Variants in DPP3 observed in about 807,000 individuals in gnomAD.
The protein encoded by DPP3 is dipeptidyl peptidase 3.
A neutral mutation model predicts 89.8 loss-of-function variants in DPP3; 64 were observed. That is an observed-to-expected ratio of 0.71 (90% CI 0.58 to 0.88). The LOEUF (loss-of-function observed/expected upper bound fraction) is 0.88, where lower values mean the gene tolerates loss of function less well. Among genes scored for constraint, DPP3 ranks in the 40% least tolerant of loss-of-function variants. The pLI is 0.00. For synonymous variants in DPP3, 377 were observed against 404.3 expected (o/e 0.93, Z 0.81); for missense variants, 835 against 972.5 (o/e 0.86, Z 1.88).
At chr11:66,496,984 A>G (rs1030486042) in intron 15 of DPP3, among the ~76,000 whole-genome samples, 1 of 152,174 alleles carries the variant, frequency 6.6e-6, no homozygotes, top group African/African-American at 2.4e-5. Flanking sequence ...TGTCCTCAGC[A>G]GGGGATCTGG....
At chr11:66,508,070 A>G (rs1247834396) in intron 17 of DPP3, among the ~76,000 whole-genome samples, 6 of 152,146 alleles carry the variant, frequency 3.9e-5, no homozygotes, top group South Asian at 4.1e-4. Flanking sequence ...TGAGGCACAG[A>G]GGGGCTGTGT....
chr11:66,487,463 C>G lies in DPP3; in HGVS notation c.573+121C>G. On this transcript the variant is annotated intron_variant, in intron 5 of 17. Coordinates refer to ENST00000531863, the MANE Select transcript of DPP3 (RefSeq NM_130443.4). ...ACTACTCCCTGTGTACTAGGGAAGG[C>G]GCGACCCCTGCCCACCCCAGGCTAT... The G allele has an allele frequency of 6.8e-6, 7 of 1,031,764 alleles. No homozygotes were observed. In the South Asian group the frequency reaches 7.2e-5, roughly 11 times the overall value. The allele number at this position is 1,031,764 out of a possible 1,614,324, so 63.9% of individuals were successfully genotyped here.
rs746029233 is a variant in DPP3 at position 66,497,468 on chromosome 11, G to A, written c.1869G>A (p.Arg623=). 1.9e-5 allele frequency: 31 copies of A among 1,613,192 alleles called. No homozygotes were observed. The East Asian group carries it at 6.7e-4, about 35-fold the overall frequency. Residue 623 remains arginine, a synonymous_variant, in exon 16 of 18, where the codon CGG becomes CGA. Transcript: ENST00000531863. ...AGCCTGCTCTAGAGCGCTTCCTGCGGAGACTTCAGGTAAGCAAAGGCCTCT... is the reference window on the plus strand; with the variant it reads ...AGCCTGCTCTAGAGCGCTTCCTGCGAAGACTTCAGGTAAGCAAAGGCCTCT... ...VGKPALERFL[R]RLQVLKSTGD...
At position 66,509,263 on chromosome 11, in the gene DPP3, G is replaced by A. The variant is rs546710991; in HGVS notation, c.*12G>A. 1.3e-6 allele frequency: 2 copies of A among 1,598,952 alleles called. No homozygotes were observed. The highest frequency in any genetic ancestry group is 1.3e-5 in the African/African-American group (1 of 74,788). ...CTGGCCAAGCTTGAGGAAGATGTGT[G>A]GCCTTGCCCCCAATTCCATCAGACC... On this transcript the variant is annotated 3_prime_UTR_variant, in exon 18 of 18. Coordinates refer to ENST00000531863, the MANE Select transcript of DPP3 (RefSeq NM_130443.4).
At chr11:66,497,276 T>C in intron 15 of DPP3, 22 bp from the exon 16 acceptor site, 2 of 1,608,482 alleles carry the variant, frequency 1.2e-6, no homozygotes, top group Non-Finnish European at 8.5e-7. Context: ...CTACAAATGC[T>C]GTCTTTCCCC....
intron 3 of DPP3, 88 bp from the exon 4 acceptor site, chr11:66,486,452 T>C (rs1025857368): frequency 2.7e-5 from 38 of 1,382,748 alleles, no homozygotes; most frequent in African/African-American, 6.0e-5. Context: ...TCTTAGATCA[T>C]AGGAGAAGAG....
intron 2 of DPP3, among the ~76,000 whole-genome samples, chr11:66,484,001 C>T (rs963375098): frequency 1.3e-5 from 2 of 150,518 alleles, no homozygotes; most frequent in Non-Finnish European, 3.0e-5. Flanking sequence ...TTGTGGGGGA[C>T]GGAGTCTCGC....
Position 66,493,066 on chromosome 11 carries a change from GA to G in DPP3, c.1184del (p.Tyr395SerfsTer4). On this transcript the variant is annotated frameshift_variant and splice_region_variant, in exon 11 of 18. Transcript: ENST00000531863. LOFTEE classifies it high-confidence loss of function. The part of the protein sequence containing the change: ...GIPAGINIPN[Y>X]DDLRQTEGFK... ...TTCTGGTCCTTCTCCACCTTCTCCA[GA>G]CGATGATCTGAGGCAGACGGAAGGC... 1 of 1,614,112 alleles carries G rather than the reference GA, an allele frequency of 6.2e-7. No homozygotes were observed. The highest frequency in any genetic ancestry group is 8.5e-7 in the Non-Finnish European group (1 of 1,180,022).
At chr11:66,481,895 A>G (rs1305253746) in intron 1 of DPP3, among the ~76,000 whole-genome samples, 1 of 152,066 alleles carries the variant, frequency 6.6e-6, no homozygotes, top group African/African-American at 2.4e-5. Context: ...TGATCCACAC[A>G]CCTCGGCCTC....
chr11:66,494,156 G>C (rs1855472741), intron 12 of DPP3, among the ~76,000 whole-genome samples: 1 of 152,170 alleles, frequency 6.6e-6, no homozygotes, highest in African/African-American at 2.4e-5. Context: ...GACCCTTCTT[G>C]CCAGCCGGCC....
chr11:66,481,047 C>G (rs917349563), intron 1 of DPP3: 1 of 152,270 alleles, frequency 6.6e-6, no homozygotes, highest in Non-Finnish European at 1.5e-5. Flanking sequence ...GTTATTCTCT[C>G]TTTTATAGAG....
intron 16 of DPP3, among the ~76,000 whole-genome samples, chr11:66,502,774 T>C (rs1301552738): frequency 6.6e-6 from 1 of 152,188 alleles, no homozygotes; most frequent in East Asian, 1.9e-4. Flanking sequence ...AAATTTTTTG[T>C]ATTTTTAGTA....
chr11:66,497,771 G>A lies in DPP3; in HGVS notation c.1878+294G>A, dbSNP rs568189899. 2.9e-4 allele frequency among the ~76,000 whole-genome samples: 44 copies of A among 151,994 alleles called. 1 individual carries two copies. The highest frequency in any genetic ancestry group is 1.2e-3 in the Admixed American group (19 of 15,240). ...CCAGGTATGGTAGTGCGCACCTGTA[G>A]TTCCAGCTACTCTGGAGGCGGAAGT... On this transcript the variant is annotated intron_variant, in intron 16 of 17. Transcript: ENST00000531863.
chr11:66,504,538 C>G (rs1171548647), intron 16 of DPP3, 74 bp from the exon 17 acceptor site: 1 of 1,503,748 alleles, frequency 6.7e-7, no homozygotes, highest in Non-Finnish European at 8.9e-7. Flanking sequence ...CCACAATCAG[C>G]TGTGGCCTAT....
At chr11:66,498,970 C>G (rs1357171112) in intron 16 of DPP3, among the ~76,000 whole-genome samples, 3 of 152,116 alleles carry the variant, frequency 2.0e-5, no homozygotes, top group Non-Finnish European at 4.4e-5. Flanking sequence ...CCCTGATCAC[C>G]ACTGCACTCT....
At chr11:66,489,028 G>C (rs1320205427) in intron 6 of DPP3, among the ~76,000 whole-genome samples, 1 of 152,142 alleles carries the variant, frequency 6.6e-6, no homozygotes, top group Non-Finnish European at 1.5e-5. Context: ...ACCATACCTG[G>C]CTAATTTTTG....
chr11:66,500,305 G>C (rs539077669), intron 16 of DPP3, among the ~76,000 whole-genome samples: 25 of 152,272 alleles, frequency 1.6e-4, no homozygotes, highest in Admixed American at 4.6e-4. Flanking sequence ...AGTGAGCCAA[G>C]ATCATGCCAC....
At chr11:66,496,075 T>C (rs2134738710) in intron 15 of DPP3, among the ~76,000 whole-genome samples, 1 of 152,302 alleles carries the variant, frequency 6.6e-6, no homozygotes, top group South Asian at 2.1e-4. Context: ...GTAGGTGCTA[T>C]TGTTACCCTC....
intron 5 of DPP3, 68 bp downstream of exon 5, chr11:66,487,410 C>A: frequency 6.7e-7 from 1 of 1,495,112 alleles, no homozygotes; most frequent in Non-Finnish European, 9.3e-7. Flanking sequence ...CCCCTCACAA[C>A]TGGTGACCAC....
Sources: allele counts gnomAD v4.1 joint callset (sites outside exome capture counted in the v4.1 genomes callset), GRCh38; gene constraint gnomAD v4.1.1; transcripts MANE v1.5; gene names NCBI Gene and HGNC (gene_info 2026-07-23, HGNC 2026-07-21).